The following PRDM5 variants were observed in gnomAD, a reference collection of about 807,000 sequenced individuals.
PRDM5 encodes PR domain zinc finger protein 5.
In PRDM5, 56 loss-of-function variants were observed where a neutral mutation model predicts 81.2. The ratio of observed to expected loss-of-function variants is 0.69; its 90% CI spans 0.56 to 0.86. The LOEUF is 0.86. PRDM5 is among the 40% of genes least tolerant of loss of function. PRDM5 has a pLI of 0.00. For synonymous variants in PRDM5, 267 were observed against 256.4 expected (o/e 1.04, Z -0.39); for missense variants, 697 against 770.1 (o/e 0.91, Z 1.12).
intron 14 of PRDM5, among the ~76,000 whole-genome samples, chr4:120,733,719 T>C (rs1271293898): frequency 6.6e-6 from 1 of 152,076 alleles, no homozygotes; most frequent in Non-Finnish European, 1.5e-5. Flanking sequence ...ATGTTAATAA[T>C]GTTAATAAAG....
At chr4:120,825,520 T>C (rs976088256) in intron 3 of PRDM5, among the ~76,000 whole-genome samples, 10 of 152,132 alleles carry the variant, frequency 6.6e-5, no homozygotes, top group African/African-American at 2.4e-4. Flanking sequence ...TATCAGGAAA[T>C]GGCATCTGCT....
At chr4:120,727,090 C>T (rs1326985214) in intron 14 of PRDM5, among the ~76,000 whole-genome samples, 2 of 152,162 alleles carry the variant, frequency 1.3e-5, no homozygotes, top group Admixed American at 1.3e-4. Flanking sequence ...TCTGAAAACA[C>T]ATGTTAATTT....
At chr4:120,801,865 T>C (rs1752158508) in intron 8 of PRDM5, among the ~76,000 whole-genome samples, 2 of 145,808 alleles carry the variant, frequency 1.4e-5, no homozygotes, top group African/African-American at 2.5e-5. Context: ...ATTCTTAAAC[T>C]CTATGTTTCT....
intron 14 of PRDM5, among the ~76,000 whole-genome samples, chr4:120,742,597 G>A (rs1742220381): frequency 6.6e-6 from 1 of 152,198 alleles, no homozygotes; most frequent in Non-Finnish European, 1.5e-5. Context: ...AGCTGATGGA[G>A]CTGAAAACCA....
At chr4:120,728,968 A>G (rs1392823847) in intron 14 of PRDM5, among the ~76,000 whole-genome samples, 3 of 152,228 alleles carry the variant, frequency 2.0e-5, no homozygotes, top group Non-Finnish European at 2.9e-5. Context: ...AGCACAATTA[A>G]ATATTCCTCA....
At chr4:120,701,975 G>A (rs558658007) in intron 15 of PRDM5, among the ~76,000 whole-genome samples, 3 of 152,272 alleles carry the variant, frequency 2.0e-5, no homozygotes, top group East Asian at 1.9e-4. Flanking sequence ...AAATAGAGGT[G>A]GTACAACTTC....
At chr4:120,773,616 C>A (rs1578678011) in intron 13 of PRDM5, among the ~76,000 whole-genome samples, 1 of 152,158 alleles carries the variant, frequency 6.6e-6, no homozygotes, top group African/African-American at 2.4e-5. Context: ...GCAAAGCTCA[C>A]TGAGATAATT....
chr4:120,882,029 C>T (rs34640899), intron 2 of PRDM5, among the ~76,000 whole-genome samples: 64,958 of 152,214 alleles, frequency 0.43, 15,998 homozygotes, highest in Non-Finnish European at 0.53. Flanking sequence ...ACCACATGCA[C>T]AGCCCCAGAG....
intron 15 of PRDM5, among the ~76,000 whole-genome samples, chr4:120,701,880 T>C (rs1275762221): frequency 6.6e-6 from 1 of 152,184 alleles, no homozygotes; most frequent in Non-Finnish European, 1.5e-5. Context: ...TTCCAATGGA[T>C]GTCATGTATG....
chr4:120,697,923 T>C (rs1280916246), intron 15 of PRDM5, among the ~76,000 whole-genome samples: 8 of 150,622 alleles, frequency 5.3e-5, no homozygotes, highest in Admixed American at 1.3e-4. Context: ...AAATAAAAAT[T>C]ATAACTATCT....
Position 120,818,366 on chromosome 4 carries a change from C to G in PRDM5, c.637G>C (p.Ala213Pro). 1 of 1,613,908 alleles carries G rather than the reference C, an allele frequency of 6.2e-7. No homozygotes were observed. Among genetic ancestry groups the G allele is most frequent in the South Asian group, 1.1e-5 (1 of 91,074 alleles). ...TAATATACGCACTGTCTTTGCAAAG[C>G]CTGCTTAACTGGGAATTTCTTCCCA... ...NCGKKFPVKQ[A>P]LQRHVLQCTA... The change falls in exon 5 of 16, where the codon GCT (alanine) becomes CCT (proline). Residue 213 changes from alanine to proline, a missense_variant. Around this residue, in one of 3 missense-constraint regions of PRDM5, gnomAD observed 577 missense variants for 606.7 expected, o/e 0.95. Coordinates refer to ENST00000264808, the MANE Select transcript of PRDM5 (RefSeq NM_018699.4).
At chr4:120,875,658 G>A (rs1762267655) in intron 2 of PRDM5, among the ~76,000 whole-genome samples, 1 of 152,170 alleles carries the variant, frequency 6.6e-6, no homozygotes, top group African/African-American at 2.4e-5. Context: ...TTAACCCAAG[G>A]GCATGGGGAG....
chr4:120,767,812 T>C (rs936401443), intron 13 of PRDM5, among the ~76,000 whole-genome samples: 5 of 152,276 alleles, frequency 3.3e-5, no homozygotes, highest in East Asian at 1.9e-4. Flanking sequence ...TGGGAAATAA[T>C]TGAATCACAG....
chr4:120,878,459 A>G (rs187712921), intron 2 of PRDM5, among the ~76,000 whole-genome samples: 77 of 152,324 alleles, frequency 5.1e-4, no homozygotes, highest in Non-Finnish European at 9.4e-4. Context: ...AAAACTAAAA[A>G]ATTCCTGGAA....
At chr4:120,893,394 G>C (rs1272903924) in intron 2 of PRDM5, among the ~76,000 whole-genome samples, 1 of 152,146 alleles carries the variant, frequency 6.6e-6, no homozygotes, top group African/African-American at 2.4e-5. Context: ...GTATTCACCA[G>C]CCCTTTTGTT....
chr4:120,828,055 A>G (rs1020371001), intron 3 of PRDM5, among the ~76,000 whole-genome samples: 9 of 152,066 alleles, frequency 5.9e-5, no homozygotes, highest in Non-Finnish European at 1.0e-4. Context: ...TCTTACCTTC[A>G]TGGAACCCTT....
At chr4:120,715,002 A>AG (rs1560949300) in intron 14 of PRDM5, among the ~76,000 whole-genome samples, 1 of 152,186 alleles carries the variant, frequency 6.6e-6, no homozygotes, top group Non-Finnish European at 1.5e-5. Flanking sequence ...CCTTTACCAA[A>AG]GGCAGATTAT....
chr4:120,756,707 T>C (rs1744793369), intron 13 of PRDM5, among the ~76,000 whole-genome samples: 1 of 152,194 alleles, frequency 6.6e-6, no homozygotes, highest in Non-Finnish European at 1.5e-5. Context: ...AATTTTTTCA[T>C]TTTCTTCTTC....
At chr4:120,703,351 AT>A in intron 15 of PRDM5, among the ~76,000 whole-genome samples, 1 of 151,956 alleles carries the variant, frequency 6.6e-6, no homozygotes, top group South Asian at 2.1e-4. Context: ...ATGCCAGCTA[AT>A]TTTTTATTTT....
Sources: gnomAD v4.1 joint callset for allele counts (sites outside exome capture counted in the v4.1 genomes callset) on GRCh38, gnomAD v4.1.1 for gene constraint, gnomAD v4.1.1 regional missense constraint, MANE v1.5 for transcripts, NCBI Gene and HGNC (gene_info 2026-07-23, HGNC 2026-07-21) for gene names.